Variants in WDFY3 observed in about 807,000 individuals in gnomAD.
WDFY3 encodes the protein WD repeat and FYVE domain-containing protein 3.
WDFY3 carries 66 observed loss-of-function variants against 409.6 expected under a neutral mutation model. The ratio of observed to expected loss-of-function variants is 0.16; its 90% confidence interval spans 0.13 to 0.20. WDFY3 has a LOEUF of 0.20. Among genes scored for constraint, WDFY3 ranks in the 10% least tolerant of loss-of-function variants. WDFY3 has a pLI of 1.00. For synonymous variants in WDFY3, 1,521 were observed against 1,537.1 expected (o/e 0.99, Z 0.25); for missense variants, 3,031 against 4,298.1 (o/e 0.71, Z 8.24).
chr4:84,836,881 C>G, intron 7 of WDFY3, 48 bp downstream of exon 7: 1 of 1,360,160 alleles, frequency 7.4e-7, no homozygotes, highest in Non-Finnish European at 9.7e-7. Context: ...GAAGTATACC[C>G]ACTTCCCTTT....
chr4:84,702,227 T>C, intron 56 of WDFY3, 126 bp downstream of exon 56: 1 of 1,080,432 alleles, frequency 9.3e-7, no homozygotes, highest in South Asian at 2.1e-5. Flanking sequence ...AGCAAATGAC[T>C]GCAAGAAACT....
At chr4:84,787,751 C>T in intron 22 of WDFY3, 38 bp from the exon 23 acceptor site, 1 of 1,529,022 alleles carries the variant, frequency 6.5e-7, no homozygotes, top group Non-Finnish European at 9.0e-7. Flanking sequence ...GAGATGTGAA[C>T]ACTTTCCCCA....
intron 15 of WDFY3, 64 bp downstream of exon 15, chr4:84,808,270 A>C: frequency 7.7e-7 from 1 of 1,299,720 alleles, no homozygotes; most frequent in Non-Finnish European, 1.1e-6. Context: ...TGTTAACATA[A>C]ATAAGCACAG....
intron 5 of WDFY3, among the ~76,000 whole-genome samples, chr4:84,843,660 A>C (rs551278727): frequency 6.6e-6 from 1 of 152,264 alleles, no homozygotes; most frequent in East Asian, 1.9e-4. Context: ...TGGTTTCCCA[A>C]ACTACTGGGA....
rs759847024 is a variant in WDFY3 at position 84,860,369 on chromosome 4, C to T, written c.180+43G>A. ...CAGTAACCTTCAGATTCTTGTAGTG[C>T]CCCCCAGTCCCGGAAGGTGTGTGTC... On this transcript the variant is annotated intron_variant, in intron 4 of 67. Transcript: ENST00000295888. 32 of 1,549,040 alleles carry T rather than the reference C, an allele frequency of 2.1e-5. No individual in the cohort carries two copies. The South Asian group carries it at 2.2e-4, about 11-fold the overall frequency.
rs1176198051 is a variant in WDFY3, at chr4:84,783,058, T to C, written c.4079A>G (p.His1360Arg). The C allele has an allele frequency of 1.2e-6, 2 of 1,613,836 alleles. No homozygotes were observed. The highest frequency in any genetic ancestry group is 1.3e-5 in the African/African-American group (1 of 74,912). Residue 1360 changes from histidine (H) to arginine (R), a missense_variant, in exon 25 of 68, where the codon CAT (histidine) becomes CGT (arginine). By Grantham distance (29) the His-to-Arg change is conservative. Transcript: ENST00000295888. ...CAACTTCACAGGAGTGGCATTCTCA[T>C]GTGAGGAAATGCCTAACTGAAAAAT... ...AIAKQLGISS[H>R]ENATPVKLIH... is the part of the protein sequence containing the mutation.
intron 2 of WDFY3, among the ~76,000 whole-genome samples, chr4:84,902,545 T>C (rs1766478566): frequency 6.6e-6 from 1 of 152,164 alleles, no homozygotes; most frequent in East Asian, 1.9e-4. Flanking sequence ...TGACCACTAA[T>C]CTTCTGTAAA....
At chr4:84,755,546 C>A (rs1000968104) in intron 33 of WDFY3, 146 bp from the exon 34 acceptor site, 4 of 848,638 alleles carry the variant, frequency 4.7e-6, no homozygotes, top group Non-Finnish European at 6.9e-6. Flanking sequence ...AGAACTAGTA[C>A]CCTTCCATCC....
intron 4 of WDFY3, among the ~76,000 whole-genome samples, chr4:84,859,114 C>T (rs1364051570): frequency 1.3e-5 from 2 of 151,854 alleles, no homozygotes; most frequent in Non-Finnish European, 2.9e-5. Flanking sequence ...GAAGGGAAAC[C>T]AAGAAACAAA....
At chr4:84,861,331 C>T (rs1210742818) in intron 3 of WDFY3, among the ~76,000 whole-genome samples, 1 of 151,992 alleles carries the variant, frequency 6.6e-6, no homozygotes, top group Non-Finnish European at 1.5e-5. Flanking sequence ...ACATCTAAGA[C>T]AGTCAAAAAC....
chr4:84,826,764 A>G, intron 10 of WDFY3, 51 bp downstream of exon 10: 3 of 1,509,584 alleles, frequency 2.0e-6, no homozygotes, highest in Non-Finnish European at 2.6e-6. Context: ...AGACAAATTC[A>G]TTCTTTCTCT....
At position 84,789,800 on chromosome 4, in the gene WDFY3, C is replaced by T; in HGVS notation, c.3595G>A (p.Val1199Ile). Residue 1199 changes from valine (V) to isoleucine (I), a missense_variant, in exon 22 of 68, where the codon GTA (valine) becomes ATA (isoleucine). Physicochemically the swap from Val to Ile is conservative, Grantham distance 29. Around this residue, in one of 16 missense-constraint regions of WDFY3, gnomAD observed 1,322 missense variants for 1,697.9 expected, o/e 0.78. Transcript: ENST00000295888. ...IEGQWHHLVL[V>I]MSKGMLKNST... ...TTTTTCAACATGCCTTTGCTCATTA[C>T]CAGGACCAAATGATGCCACTGTCCC... The T allele has an allele frequency of 6.2e-7, 1 of 1,614,018 alleles. No individual in the cohort carries two copies. Among genetic ancestry groups the T allele is most frequent in the Non-Finnish European group, 8.5e-7 (1 of 1,180,000 alleles).
chr4:84,881,155 C>T lies in WDFY3; in HGVS notation c.-32+15756G>A, dbSNP rs186199077. ...GATTTGTAATTTTTTACCATACATACGCATCAATTGCTTAATATTACATCA... is the reference window on the plus strand; with the variant it reads ...GATTTGTAATTTTTTACCATACATATGCATCAATTGCTTAATATTACATCA... On this transcript the variant is annotated intron_variant, in intron 3 of 67. Coordinates refer to ENST00000295888, the MANE Select transcript of WDFY3 (RefSeq NM_014991.6). Among the ~76,000 whole-genome samples, 662 of 152,236 alleles carry T rather than the reference C, an allele frequency of 4.3e-3. 17 individuals carry two copies. The highest frequency in any genetic ancestry group is 0.04 in the Admixed American group (607 of 15,290).
intron 3 of WDFY3, among the ~76,000 whole-genome samples, chr4:84,890,680 T>G (rs1338846419): frequency 6.6e-6 from 1 of 152,206 alleles, no homozygotes; most frequent in Non-Finnish European, 1.5e-5. Context: ...AAGGGTCAGA[T>G]AGCAAATATT....
At chr4:84,781,849 C>A (rs540198489) in intron 25 of WDFY3, among the ~76,000 whole-genome samples, 1 of 152,218 alleles carries the variant, frequency 6.6e-6, no homozygotes, top group African/African-American at 2.4e-5. Context: ...AAAATTTTTA[C>A]CAATGCTGTA....
intron 41 of WDFY3, 129 bp downstream of exon 41, chr4:84,737,055 T>G: frequency 1.1e-6 from 1 of 944,204 alleles, no homozygotes; most frequent in Non-Finnish European, 1.5e-6. Flanking sequence ...TCTAGAATGG[T>G]TGTTATATTG....
chr4:84,678,840 G>C, intron 65 of WDFY3, 79 bp downstream of exon 65: 1 of 1,474,514 alleles, frequency 6.8e-7, no homozygotes, highest in Non-Finnish European at 9.2e-7. Flanking sequence ...CCCAGGGAGA[G>C]CTAGACCCCA....
intron 3 of WDFY3, among the ~76,000 whole-genome samples, chr4:84,878,176 G>C (rs1296136278): frequency 6.6e-5 from 10 of 152,130 alleles, no homozygotes; most frequent in African/African-American, 2.2e-4. Context: ...ATTACTAACA[G>C]AGAGTTAGGT....
chr4:84,867,957 TC>T (rs1013229841), intron 3 of WDFY3, among the ~76,000 whole-genome samples: 2 of 151,398 alleles, frequency 1.3e-5, no homozygotes, highest in African/African-American at 4.8e-5. Flanking sequence ...GATCACAAGG[TC>T]AAGAGATCAA....
Sources: allele counts gnomAD v4.1 joint callset (sites outside exome capture counted in the v4.1 genomes callset), GRCh38; gene constraint gnomAD v4.1.1; regional missense constraint gnomAD v4.1.1; transcripts MANE v1.5; gene names NCBI Gene and HGNC (gene_info 2026-07-23, HGNC 2026-07-21).